The following KCNH7 variants were observed in gnomAD, a reference collection of about 807,000 sequenced individuals.
KCNH7 encodes the protein potassium voltage-gated channel subfamily H member 7.
KCNH7 carries 49 observed loss-of-function variants against 120.8 expected under a neutral mutation model. The observed-to-expected ratio is 0.41, with a 90% CI of 0.32 to 0.51. KCNH7 has a LOEUF of 0.51. Ranked by LOEUF, KCNH7 falls within the 20% of genes least tolerant of loss-of-function variation. The pLI is 0.38. For synonymous variants in KCNH7, 547 were observed against 516.1 expected (o/e 1.06, Z -0.81); for missense variants, 1,097 against 1,446.6 (o/e 0.76, Z 3.92).
intron 9 of KCNH7, among the ~76,000 whole-genome samples, chr2:162,415,399 G>GA (rs914989673): frequency 6.6e-6 from 1 of 152,050 alleles, no homozygotes; most frequent in African/African-American, 2.4e-5. Flanking sequence ...GTCTGTAAGA[G>GA]AAAAAAATGT....
At chr2:162,722,251 G>T (rs1687345781) in intron 2 of KCNH7, among the ~76,000 whole-genome samples, 1 of 151,906 alleles carries the variant, frequency 6.6e-6, no homozygotes, top group South Asian at 2.1e-4. Context: ...GTAAGAAGAA[G>T]AAGTCATTAA....
At chr2:162,765,243 T>G (rs1026345189) in intron 2 of KCNH7, among the ~76,000 whole-genome samples, 6 of 152,224 alleles carry the variant, frequency 3.9e-5, no homozygotes, top group East Asian at 1.9e-4. Flanking sequence ...AAAACTCCAC[T>G]AATAGATGAT....
At chr2:162,544,179 C>T (rs373210571) in intron 2 of KCNH7, among the ~76,000 whole-genome samples, 1 of 152,124 alleles carries the variant, frequency 6.6e-6, no homozygotes, top group Non-Finnish European at 1.5e-5. Flanking sequence ...GTGGATTGTC[C>T]CACTGCCTTT....
chr2:162,789,038 T>C (rs994821338), intron 2 of KCNH7, among the ~76,000 whole-genome samples: 3 of 148,226 alleles, frequency 2.0e-5, no homozygotes, highest in Non-Finnish European at 4.5e-5. Flanking sequence ...CTGAGAATAC[T>C]GTACCTAGCA....
At chr2:162,646,927 C>G (rs1684379309) in intron 2 of KCNH7, among the ~76,000 whole-genome samples, 1 of 152,178 alleles carries the variant, frequency 6.6e-6, no homozygotes, top group African/African-American at 2.4e-5. Context: ...AGCCTTCTAA[C>G]TTACAGAACT....
At chr2:162,577,365 C>A (rs1330026637) in intron 2 of KCNH7, among the ~76,000 whole-genome samples, 2 of 141,310 alleles carry the variant, frequency 1.4e-5, no homozygotes, top group African/African-American at 5.4e-5. Context: ...ATCTATCTAT[C>A]TATCTATCTA....
At chr2:162,758,239 G>A (rs927998858) in intron 2 of KCNH7, among the ~76,000 whole-genome samples, 6 of 152,080 alleles carry the variant, frequency 3.9e-5, no homozygotes, top group South Asian at 4.1e-4. Context: ...TTCTCTGGAG[G>A]GGATGAGAGT....
At chr2:162,385,402 T>C (rs1686543830) in intron 12 of KCNH7, among the ~76,000 whole-genome samples, 2 of 151,948 alleles carry the variant, frequency 1.3e-5, no homozygotes, top group Admixed American at 1.3e-4. Context: ...AGCCTCCTTG[T>C]AGTAAAAGGC....
At chr2:162,531,040 T>C in intron 3 of KCNH7, among the ~76,000 whole-genome samples, 1 of 151,944 alleles carries the variant, frequency 6.6e-6, no homozygotes, top group East Asian at 1.9e-4. Context: ...GCCTTTGTAA[T>C]GCTCTGGAAA....
intron 2 of KCNH7, among the ~76,000 whole-genome samples, chr2:162,664,321 A>C (rs1351252217): frequency 6.6e-6 from 1 of 152,114 alleles, no homozygotes; most frequent in Non-Finnish European, 1.5e-5. Context: ...CAGGTGAAAA[A>C]TTGTGTTAGC....
At position 162,789,061 on chromosome 2, in the gene KCNH7, A is replaced by G. The variant is rs1683823249; in HGVS notation, c.307+47476T>C. ...ACTGTACCTAGCAAAGGTTTCCTCA[A>G]AAATGAGAGATACTTTCCCAAACAA... On this transcript the variant is annotated intron_variant, in intron 2 of 15. Coordinates refer to ENST00000332142, the MANE Select transcript of KCNH7 (RefSeq NM_033272.4). Among the ~76,000 whole-genome samples, 3 of 151,968 alleles carry G rather than the reference A, an allele frequency of 2.0e-5. No homozygotes were observed. The South Asian group carries it at 6.2e-4, about 31-fold the overall frequency.
At chr2:162,487,929 T>G (rs59542236) in intron 6 of KCNH7, among the ~76,000 whole-genome samples, 1,701 of 152,302 alleles carry the variant, frequency 0.011, 30 homozygotes, top group African/African-American at 0.039. Context: ...CTGTGATAAA[T>G]GTCCTCTGCC....
At chr2:162,408,920 GATA>G (rs911793690) in intron 9 of KCNH7, among the ~76,000 whole-genome samples, 83 of 151,852 alleles carry the variant, frequency 5.5e-4, no homozygotes, top group Non-Finnish European at 9.4e-4. Context: ...CAATAAAAAT[GATA>G]ATATTTCATT....
chr2:162,703,011 C>T (rs1686570657), intron 2 of KCNH7, among the ~76,000 whole-genome samples: 1 of 152,014 alleles, frequency 6.6e-6, no homozygotes, highest in Non-Finnish European at 1.5e-5. Flanking sequence ...GTGTAAAGAG[C>T]CTGCAGTAGT....
chr2:162,688,207 G>A (rs1363675107), intron 2 of KCNH7, among the ~76,000 whole-genome samples: 1 of 152,142 alleles, frequency 6.6e-6, no homozygotes, highest in Non-Finnish European at 1.5e-5. Context: ...TAGCTGTTAA[G>A]AATTTGAAAC....
intron 2 of KCNH7, among the ~76,000 whole-genome samples, chr2:162,817,788 T>A (rs10930070): frequency 6.6e-6 from 1 of 151,794 alleles, no homozygotes; most frequent in African/African-American, 2.4e-5. Flanking sequence ...CTTTAAATTA[T>A]ACTTCCAGTT....
intron 2 of KCNH7, among the ~76,000 whole-genome samples, chr2:162,809,610 G>C (rs1684663273): frequency 6.6e-6 from 1 of 152,080 alleles, no homozygotes; most frequent in Non-Finnish European, 1.5e-5. Flanking sequence ...AAATATATTT[G>C]GGGAGAGTAA....
At chr2:162,577,360 T>TC (rs72410381) in intron 2 of KCNH7, among the ~76,000 whole-genome samples, 13,392 of 107,636 alleles carry the variant, frequency 0.12, 791 homozygotes, top group South Asian at 0.24. Context: ...TATCTATCTA[T>TC]CTATCTATCT....
At chr2:162,488,432 C>G (rs1690178786) in intron 6 of KCNH7, among the ~76,000 whole-genome samples, 1 of 152,072 alleles carries the variant, frequency 6.6e-6, no homozygotes, top group Non-Finnish European at 1.5e-5. Context: ...AACTCCTTAT[C>G]TGAGGAATTT....
Sources: gnomAD v4.1 joint callset for allele counts (sites outside exome capture counted in the v4.1 genomes callset) on GRCh38, gnomAD v4.1.1 for gene constraint, MANE v1.5 for transcripts, NCBI Gene and HGNC (gene_info 2026-07-23, HGNC 2026-07-21) for gene names.